The following ANGPTL5 variants were observed in gnomAD, a reference collection of about 807,000 sequenced individuals.
ANGPTL5 encodes angiopoietin like 5, also known as angiopoietin-related protein 5.
A neutral mutation model predicts 39.4 loss-of-function variants in ANGPTL5; 34 were observed. The observed-to-expected ratio is 0.86, with a 90% CI of 0.66 to 1.15. ANGPTL5 has a LOEUF of 1.15. ANGPTL5 is among the 50% of genes most tolerant of loss of function. The pLI is 0.00. For synonymous variants in ANGPTL5, 146 were observed against 152.1 expected, an observed-to-expected ratio of 0.96 and a Z score of 0.29; for missense variants, 467 against 457.5, an observed-to-expected ratio of 1.02 and a Z score of -0.19.
rs1197593166 is a variant in ANGPTL5 at position 101,907,946 on chromosome 11, T to A, written c.-37A>T. 7.2e-7 allele frequency: 1 copy of A among 1,393,378 alleles called. No individual in the cohort carries two copies. The highest frequency in any genetic ancestry group is 1.7e-5 in the Admixed American group (1 of 58,732). 86.3% of individuals were successfully genotyped at this position (1,393,378 alleles called of 1,614,324 possible). A position where few individuals can be genotyped will look rare whatever the true frequency, so the allele number is the denominator to read the frequency against. On this transcript the variant is annotated 5_prime_UTR_variant, in exon 2 of 9. Transcript: ENST00000334289. ...ATAGATGAAAACACTTCTTCAAATA[T>A]CAGTCAGCTCTTTGTGGAAAGAACT...
chr11:101,899,049 T>G (rs983511333), intron 7 of ANGPTL5, among the ~76,000 whole-genome samples: 1 of 152,216 alleles, frequency 6.6e-6, no homozygotes, highest in African/African-American at 2.4e-5. Context: ...AGTTTTCCAG[T>G]ATTTTATTGA....
Position 101,902,777 on chromosome 11 carries a change from C to A in ANGPTL5, c.440-56G>T. ...TTTTCAAATGTACATTTAAGGCAAT[C>A]ATTTTACTATAGAGAATTGATAGTG... On this transcript the variant is annotated intron_variant, in intron 5 of 8. Coordinates refer to ENST00000334289, the MANE Select transcript of ANGPTL5 (RefSeq NM_178127.5). 4 of 1,129,664 alleles carry A rather than the reference C, an allele frequency of 3.5e-6. No individual in the cohort carries two copies. The South Asian group carries it at 5.1e-5, about 14-fold the overall frequency. The allele number at this position is 1,129,664 out of a possible 1,614,324, so 70.0% of individuals were successfully genotyped here.
intron 3 of ANGPTL5, 41 bp from the exon 4 acceptor site, chr11:101,905,888 T>C (rs368092968): frequency 8.7e-7 from 1 of 1,153,334 alleles, no homozygotes; most frequent in Non-Finnish European, 1.3e-6. Context: ...ATTATATTGT[T>C]ACAGAAAACA....
chr11:101,906,232 C>T (rs562416310), intron 3 of ANGPTL5, among the ~76,000 whole-genome samples: 3 of 152,146 alleles, frequency 2.0e-5, no homozygotes, highest in Admixed American at 6.5e-5. Flanking sequence ...AGTTTTATAC[C>T]AGGCAAGTTA....
At chr11:101,913,129 T>G (rs909278138) in intron 1 of ANGPTL5, among the ~76,000 whole-genome samples, 2 of 152,198 alleles carry the variant, frequency 1.3e-5, no homozygotes, top group Non-Finnish European at 2.9e-5. Context: ...CAGCTTTGAT[T>G]GGACAACAGA....
intron 3 of ANGPTL5, among the ~76,000 whole-genome samples, chr11:101,906,846 C>T (rs1307591912): frequency 6.6e-6 from 1 of 152,060 alleles, no homozygotes; most frequent in African/African-American, 2.4e-5. Context: ...CTTAATAGGT[C>T]TAAAGCTGCA....
At chr11:101,897,938 C>T (rs936905265) in intron 7 of ANGPTL5, among the ~76,000 whole-genome samples, 1 of 152,106 alleles carries the variant, frequency 6.6e-6, no homozygotes, top group Non-Finnish European at 1.5e-5. Context: ...CTATAAATTA[C>T]TCTGGGCAGG....
chr11:101,910,998 CA>C (rs2137066771), intron 1 of ANGPTL5, among the ~76,000 whole-genome samples: 1 of 145,832 alleles, frequency 6.9e-6, no homozygotes, highest in Admixed American at 7.0e-5. Flanking sequence ...GCATACAATA[CA>C]AGTCGCCACT....
rs1193613897 is a variant in ANGPTL5, at chr11:101,891,332, T to C, written c.1114A>G (p.Ile372Val). Residue 372 changes from isoleucine to valine, a missense_variant, in exon 9 of 9, where the codon ATT becomes GTT. Transcript: ENST00000334289. ...TWTKNNSPVKIKSVSMKIRRM... is the reference protein window; with the variant it reads ...TWTKNNSPVKVKSVSMKIRRM... The stretch of plus-strand genomic sequence containing the variant: ...CTAATTTTCATTGAAACAGATTTAA[T>C]CTTGACAGGTGAGTTGTTTTTGGTC... 2.5e-6 allele frequency: 4 copies of C among 1,614,082 alleles called. No homozygotes were observed. The Admixed American group carries it at 5.0e-5, about 20-fold the overall frequency.
At chr11:101,910,549 G>A (rs1487610997) in intron 1 of ANGPTL5, among the ~76,000 whole-genome samples, 1 of 151,696 alleles carries the variant, frequency 6.6e-6, no homozygotes, top group Non-Finnish European at 1.5e-5. Flanking sequence ...CCACATTAAT[G>A]AAATTGCATG....
intron 8 of ANGPTL5, among the ~76,000 whole-genome samples, chr11:101,893,713 T>A (rs1939744619): frequency 6.6e-6 from 1 of 152,196 alleles, no homozygotes; most frequent in Admixed American, 6.5e-5. Flanking sequence ...TTGAAAATCA[T>A]ATATTGTAAC....
chr11:101,915,316 C>T lies in ANGPTL5; in HGVS notation c.-93+703G>A, dbSNP rs759755371. On this transcript the variant is annotated intron_variant, in intron 1 of 8. Transcript: ENST00000334289. ...GCGGGGAGGCCCGGAACCCGGAGCG[C>T]GGTCGGGGAACTGGGCACTGAATCA... The T allele has an allele frequency of 3.1e-6, 5 of 1,613,660 alleles. No individual in the cohort carries two copies. In the African/African-American group the frequency reaches 6.7e-5, roughly 22 times the overall value.
At chr11:101,896,156 A>ATATT (rs55980962) in intron 7 of ANGPTL5, among the ~76,000 whole-genome samples, 4,086 of 139,644 alleles carry the variant, frequency 0.029, 63 homozygotes, top group South Asian at 0.036. Flanking sequence ...CTGTAATCCT[A>ATATT]TATTTATTTA....
chr11:101,910,424 A>AATATATAT (rs71059523), intron 1 of ANGPTL5, among the ~76,000 whole-genome samples: 308 of 127,192 alleles, frequency 2.4e-3, no homozygotes, highest in Middle Eastern at 4.0e-3. Flanking sequence ...AAAAAAAAAA[A>AATATATAT]ATATATATAT....
intron 1 of ANGPTL5, among the ~76,000 whole-genome samples, chr11:101,908,684 G>A (rs1940040398): frequency 1.3e-5 from 2 of 151,400 alleles, no homozygotes; most frequent in African/African-American, 2.4e-5. Context: ...GGAGGCTGAG[G>A]CAGGGAGAAT....
chr11:101,891,237 T>C lies in ANGPTL5; in HGVS notation c.*42A>G, dbSNP rs778302053. On this transcript the variant is annotated 3_prime_UTR_variant, in exon 9 of 9. Coordinates refer to ENST00000334289, the MANE Select transcript of ANGPTL5 (RefSeq NM_178127.5). Reference sequence around the variant, plus strand: ...AAGATAAACTTTTAAAAATCTTTAATATATTATCATTGTAGAACTTGCATT... The same window carrying C: ...AAGATAAACTTTTAAAAATCTTTAACATATTATCATTGTAGAACTTGCATT... 6.5e-7 allele frequency: 1 copy of C among 1,535,766 alleles called. No individual in the cohort carries two copies. The highest frequency in any genetic ancestry group is 8.9e-7 in the Non-Finnish European group (1 of 1,121,422).
chr11:101,895,954 G>A (rs750125856), intron 7 of ANGPTL5, among the ~76,000 whole-genome samples: 13 of 152,044 alleles, frequency 8.6e-5, no homozygotes, highest in East Asian at 1.9e-4. Flanking sequence ...TCTTTCTTCA[G>A]AGCTCACAGG....
chr11:101,915,155 C>A, intron 1 of ANGPTL5: 1 of 1,425,320 alleles, frequency 7.0e-7, no homozygotes, highest in Non-Finnish European at 9.5e-7. Context: ...TCGAGGCCAA[C>A]CCTTCCGCGC....
intron 1 of ANGPTL5, among the ~76,000 whole-genome samples, chr11:101,908,780 C>CAAAAA (rs59041644): frequency 2.0e-3 from 129 of 64,970 alleles, no homozygotes; most frequent in African/African-American, 6.3e-3. Flanking sequence ...GACTCCATCT[C>CAAAAA]AAAAAAAAAA....
Sources: allele counts gnomAD v4.1 joint callset (sites outside exome capture counted in the v4.1 genomes callset), GRCh38; gene constraint gnomAD v4.1.1; transcripts MANE v1.5; gene names NCBI Gene and HGNC (gene_info 2026-07-23, HGNC 2026-07-21).